Variants in RALYL observed in about 807,000 individuals in gnomAD.
RALYL encodes the protein RALY RNA binding protein like, also known as RNA-binding Raly-like protein.
RALYL carries 29 observed loss-of-function variants against 35.1 expected under a neutral mutation model. That is an observed-to-expected ratio of 0.83 (90% confidence interval 0.61 to 1.13). The LOEUF (loss-of-function observed/expected upper bound fraction) is 1.13, where lower values mean the gene tolerates loss of function less well. Among genes scored for constraint, RALYL ranks in the 50% most tolerant of loss-of-function variants. The pLI is 0.00. For missense variants in RALYL, 359 were observed against 360.4 expected, an observed-to-expected ratio of 1.00 and a Z score of 0.03; for synonymous variants, 120 against 127.6, an observed-to-expected ratio of 0.94 and a Z score of 0.40.
intron 1 of RALYL, among the ~76,000 whole-genome samples, chr8:84,519,448 T>C (rs941676023): frequency 6.6e-6 from 1 of 152,174 alleles, no homozygotes; most frequent in Non-Finnish European, 1.5e-5. Flanking sequence ...GTAGACTCCT[T>C]GGGTTCTGTA....
chr8:84,596,099 T>G (rs1814462907), intron 2 of RALYL, among the ~76,000 whole-genome samples: 1 of 152,112 alleles, frequency 6.6e-6, no homozygotes, highest in Non-Finnish European at 1.5e-5. Flanking sequence ...CTACATAAAT[T>G]GTGACACCTA....
intron 1 of RALYL, among the ~76,000 whole-genome samples, chr8:84,440,857 GT>G (rs2048256549): frequency 1.3e-5 from 2 of 151,842 alleles, no homozygotes; most frequent in Admixed American, 6.6e-5. Context: ...GTGAACATAA[GT>G]TTTCATTTAA....
intron 2 of RALYL, among the ~76,000 whole-genome samples, chr8:84,534,803 T>C (rs2059492448): frequency 6.6e-6 from 1 of 152,210 alleles, no homozygotes. Flanking sequence ...GGCAAAGTGA[T>C]CATGATCAGC....
intron 1 of RALYL, among the ~76,000 whole-genome samples, chr8:84,488,834 T>C (rs80163646): frequency 0.039 from 5,986 of 152,100 alleles, 237 homozygotes; most frequent in African/African-American, 0.098. Flanking sequence ...TCATAAGATA[T>C]ATTTTAAGTG....
At chr8:84,457,115 A>G (rs1305452626) in intron 1 of RALYL, among the ~76,000 whole-genome samples, 1 of 151,990 alleles carries the variant, frequency 6.6e-6, no homozygotes, top group East Asian at 1.9e-4. Context: ...CACTTCCAGA[A>G]TCTCAGTTCC....
At chr8:84,606,717 C>T (rs1408918540) in intron 2 of RALYL, among the ~76,000 whole-genome samples, 1 of 151,934 alleles carries the variant, frequency 6.6e-6, no homozygotes, top group Non-Finnish European at 1.5e-5. Flanking sequence ...CATACATGGA[C>T]CTTTGTTTTT....
intron 1 of RALYL, among the ~76,000 whole-genome samples, chr8:84,320,137 A>G (rs576241396): frequency 1.3e-5 from 2 of 152,162 alleles, no homozygotes; most frequent in South Asian, 4.1e-4. Flanking sequence ...ACACATATCT[A>G]TCAAAGTCAG....
At chr8:84,281,212 C>G (rs1349819351) in intron 1 of RALYL, among the ~76,000 whole-genome samples, 1 of 152,102 alleles carries the variant, frequency 6.6e-6, no homozygotes, top group Non-Finnish European at 1.5e-5. Context: ...CCTAAAATCA[C>G]TTGGGATACT....
At chr8:84,716,398 T>G (rs1368297965) in intron 2 of RALYL, among the ~76,000 whole-genome samples, 1 of 152,300 alleles carries the variant, frequency 6.6e-6, no homozygotes, top group South Asian at 2.1e-4. Context: ...AAAATAAACT[T>G]AGACAAAAAT....
intron 2 of RALYL, among the ~76,000 whole-genome samples, chr8:84,752,202 C>A (rs979626561): frequency 2.6e-5 from 4 of 152,172 alleles, no homozygotes; most frequent in South Asian, 4.1e-4. Context: ...AAGAATCTGG[C>A]AGCATTGTGC....
At chr8:84,685,477 C>T (rs562799291) in intron 2 of RALYL, among the ~76,000 whole-genome samples, 1 of 152,206 alleles carries the variant, frequency 6.6e-6, no homozygotes, top group Non-Finnish European at 1.5e-5. Context: ...TTTCTAGTAC[C>T]TGATTCTCTC....
At chr8:84,482,157 T>G (rs1349798129) in intron 1 of RALYL, among the ~76,000 whole-genome samples, 3 of 152,038 alleles carry the variant, frequency 2.0e-5, no homozygotes, top group Non-Finnish European at 4.4e-5. Flanking sequence ...CAGAAATTTT[T>G]AAAAATAATA....
At chr8:84,762,823 T>A (rs1813018191) in intron 2 of RALYL, among the ~76,000 whole-genome samples, 1 of 152,220 alleles carries the variant, frequency 6.6e-6, no homozygotes, top group African/African-American at 2.4e-5. Flanking sequence ...TACCAACCAT[T>A]ATTATCATCA....
intron 1 of RALYL, among the ~76,000 whole-genome samples, chr8:84,325,985 G>A (rs112146389): frequency 0.013 from 1,967 of 152,214 alleles, 56 homozygotes; most frequent in African/African-American, 0.043. Context: ...GGTGGCCCAT[G>A]CCTGTGGTCT....
intron 2 of RALYL, among the ~76,000 whole-genome samples, chr8:84,661,226 C>A (rs1830846718): frequency 6.6e-6 from 1 of 152,042 alleles, no homozygotes; most frequent in African/African-American, 2.4e-5. Flanking sequence ...CCGTGCCCAG[C>A]CCACATTATT....
intron 2 of RALYL, among the ~76,000 whole-genome samples, chr8:84,569,122 C>T (rs1383491539): frequency 2.0e-5 from 3 of 151,782 alleles, no homozygotes; most frequent in African/African-American, 7.3e-5. Context: ...AGTCCTTGCC[C>T]ATGCCTATGT....
At chr8:84,659,114 G>GTTA (rs1408662703) in intron 2 of RALYL, among the ~76,000 whole-genome samples, 3 of 152,162 alleles carry the variant, frequency 2.0e-5, no homozygotes, top group Admixed American at 6.5e-5. Context: ...CAAGGAGCTA[G>GTTA]TTAGACTAAA....
intron 2 of RALYL, among the ~76,000 whole-genome samples, chr8:84,695,577 T>C (rs1184204280): frequency 1.3e-5 from 2 of 151,852 alleles, no homozygotes; most frequent in African/African-American, 4.8e-5. Flanking sequence ...ATAAGCAAAA[T>C]TTTAAGATTA....
chr8:84,734,095 A>G (rs1204680300), intron 2 of RALYL, among the ~76,000 whole-genome samples: 1 of 152,202 alleles, frequency 6.6e-6, no homozygotes, highest in African/African-American at 2.4e-5. Flanking sequence ...TTATGCAGAC[A>G]GACTGTAATA....
Sources: allele counts gnomAD v4.1 joint callset (sites outside exome capture counted in the v4.1 genomes callset), GRCh38; gene constraint gnomAD v4.1.1; transcripts MANE v1.5; gene names NCBI Gene and HGNC (gene_info 2026-07-23, HGNC 2026-07-21).